The following MINDY3 variants were observed in gnomAD, a reference collection of about 807,000 sequenced individuals.
The protein encoded by MINDY3 is ubiquitin carboxyl-terminal hydrolase MINDY-3.
MINDY3 carries 38 observed loss-of-function variants against 69.2 expected under a neutral mutation model. That is an observed-to-expected ratio of 0.55 (90% confidence interval 0.42 to 0.72). MINDY3 has a LOEUF of 0.72. Ranked by LOEUF, MINDY3 falls within the 30% of genes least tolerant of loss-of-function variation. MINDY3 has a pLI of 0.00. For synonymous variants in MINDY3, 192 were observed against 180.1 expected, an observed-to-expected ratio of 1.07 and a Z score of -0.53; for missense variants, 522 against 519.0, an observed-to-expected ratio of 1.01 and a Z score of -0.06.
At chr10:15,837,044 G>A (rs1169195119) in intron 6 of MINDY3, among the ~76,000 whole-genome samples, 160 bp downstream of exon 6, 1 of 151,914 alleles carries the variant, frequency 6.6e-6, no homozygotes, top group African/African-American at 2.4e-5. Context: ...TAAGCAACGA[G>A]TGAGTGCTGA....
rs76916684 is a variant in MINDY3, at chr10:15,819,347, A to G, written c.801+2309T>C. On this transcript the variant is annotated intron_variant, in intron 9 of 14. Transcript: ENST00000277632. ...AGAGATGAACACTGTAGCGTAATAT[A>G]GTTTTTCAAAAAATGCTGTCTTGAC... Among the ~76,000 whole-genome samples, 170 of 152,322 alleles carry G rather than the reference A, an allele frequency of 1.1e-3. 1 individual carries two copies. Among genetic ancestry groups the G allele is most frequent in the African/African-American group, 3.8e-3 (160 of 41,568 alleles).
intron 1 of MINDY3, among the ~76,000 whole-genome samples, chr10:15,848,207 A>G (rs966605639): frequency 6.6e-6 from 1 of 152,232 alleles, no homozygotes; most frequent in African/African-American, 2.4e-5. Context: ...GGACTTTAGT[A>G]AAATGACACT....
intron 8 of MINDY3, among the ~76,000 whole-genome samples, chr10:15,828,673 A>G (rs1840255992): frequency 6.6e-6 from 1 of 152,192 alleles, no homozygotes; most frequent in Non-Finnish European, 1.5e-5. Flanking sequence ...GGAAAGACGT[A>G]TATACAAAAC....
chr10:15,783,456 A>AT (rs903466898), intron 13 of MINDY3, among the ~76,000 whole-genome samples: 10 of 151,378 alleles, frequency 6.6e-5, no homozygotes, highest in Admixed American at 2.6e-4. Context: ...CACATTCATG[A>AT]TTTTTTTTTA....
intron 8 of MINDY3, among the ~76,000 whole-genome samples, chr10:15,826,239 G>C (rs1346379506): frequency 6.6e-6 from 1 of 152,136 alleles, no homozygotes; most frequent in African/African-American, 2.4e-5. Flanking sequence ...GGTTTTAAGG[G>C]AGAGAGAAAC....
At chr10:15,835,872 C>T (rs1833043043) in intron 6 of MINDY3, among the ~76,000 whole-genome samples, 1 of 151,952 alleles carries the variant, frequency 6.6e-6, no homozygotes, top group South Asian at 2.1e-4. Context: ...GTTTAGGCTG[C>T]TCTTATTTCA....
At chr10:15,806,170 G>A (rs1018265540) in intron 10 of MINDY3, among the ~76,000 whole-genome samples, 2 of 152,052 alleles carry the variant, frequency 1.3e-5, no homozygotes, top group African/African-American at 4.8e-5. Context: ...TAATATTCTG[G>A]CTGGGGCTGT....
chr10:15,812,591 C>T (rs78791207), intron 10 of MINDY3, among the ~76,000 whole-genome samples: 2,086 of 152,242 alleles, frequency 0.014, 47 homozygotes, highest in African/African-American at 0.047. Context: ...GCAGTTTCTA[C>T]GTGGTGCATC....
intron 9 of MINDY3, among the ~76,000 whole-genome samples, chr10:15,819,775 G>C (rs182800054): frequency 9.2e-5 from 14 of 152,272 alleles, no homozygotes; most frequent in African/African-American, 2.4e-4. Flanking sequence ...ATTAGCAGAA[G>C]CCTTAAATCT....
At chr10:15,825,884 A>G (rs1223223226) in intron 8 of MINDY3, among the ~76,000 whole-genome samples, 2 of 152,162 alleles carry the variant, frequency 1.3e-5, no homozygotes, top group Non-Finnish European at 2.9e-5. Flanking sequence ...AAAAACCAAG[A>G]AACTTCTGGG....
intron 8 of MINDY3, among the ~76,000 whole-genome samples, chr10:15,831,673 CTTTTTTTT>C (rs10716234): frequency 8.2e-6 from 1 of 121,384 alleles, no homozygotes; most frequent in South Asian, 2.6e-4. Context: ...GCCTCCTTTT[CTTTTTTTT>C]TTTTTTTTTT....
At chr10:15,788,535 T>C (rs766900355) in intron 12 of MINDY3, among the ~76,000 whole-genome samples, 3 of 152,086 alleles carry the variant, frequency 2.0e-5, no homozygotes, top group Non-Finnish European at 4.4e-5. Flanking sequence ...TTAGAAAAAC[T>C]TGCAGAAGGA....
chr10:15,795,241 A>G (rs1479747470), intron 11 of MINDY3, among the ~76,000 whole-genome samples: 1 of 152,088 alleles, frequency 6.6e-6, no homozygotes, highest in Non-Finnish European at 1.5e-5. Flanking sequence ...CTGATACCTA[A>G]GAAAACAGTA....
chr10:15,808,563 C>G (rs188820089), intron 10 of MINDY3, among the ~76,000 whole-genome samples: 1 of 152,266 alleles, frequency 6.6e-6, no homozygotes, highest in Admixed American at 6.5e-5. Flanking sequence ...ATAATTCTCC[C>G]TACATTCCCA....
At chr10:15,845,100 T>C (rs899490105) in intron 2 of MINDY3, among the ~76,000 whole-genome samples, 34 of 152,232 alleles carry the variant, frequency 2.2e-4, no homozygotes, top group Non-Finnish European at 5.9e-5. Context: ...AGAGTGTTGA[T>C]GATACATTAA....
chr10:15,820,206 G>A (rs980406181), intron 9 of MINDY3, among the ~76,000 whole-genome samples: 1 of 152,176 alleles, frequency 6.6e-6, no homozygotes, highest in African/African-American at 2.4e-5. Flanking sequence ...GCCTGAAGGG[G>A]ACAGTGAGCC....
intron 8 of MINDY3, among the ~76,000 whole-genome samples, chr10:15,823,835 T>C (rs1839923795): frequency 6.6e-6 from 1 of 152,170 alleles, no homozygotes; most frequent in African/African-American, 2.4e-5. Flanking sequence ...TTATCTATCA[T>C]TCCACTCTCT....
At chr10:15,799,881 G>A (rs1838133459) in intron 10 of MINDY3, among the ~76,000 whole-genome samples, 1 of 152,148 alleles carries the variant, frequency 6.6e-6, no homozygotes, top group Admixed American at 6.6e-5. Flanking sequence ...CTAACTGCGA[G>A]CTTCTCGTGA....
intron 10 of MINDY3, among the ~76,000 whole-genome samples, chr10:15,801,718 A>C (rs1838271677): frequency 6.6e-6 from 1 of 152,148 alleles, no homozygotes; most frequent in African/African-American, 2.4e-5. Context: ...GTAGGATTAC[A>C]GTACTGAAGA....
Sources: allele counts gnomAD v4.1 joint callset (sites outside exome capture counted in the v4.1 genomes callset), GRCh38; gene constraint gnomAD v4.1.1; transcripts MANE v1.5; gene names NCBI Gene and HGNC (gene_info 2026-07-23, HGNC 2026-07-21).